The following NBEAL1 variants were observed in gnomAD, a reference collection of about 807,000 sequenced individuals.
The protein encoded by NBEAL1 is neurobeachin-like protein 1.
Under a neutral mutation model 351.3 loss-of-function variants are expected in NBEAL1, and 273 were observed. The observed-to-expected ratio is 0.78, with a 90% CI of 0.70 to 0.86. The LOEUF (loss-of-function observed/expected upper bound fraction) is 0.86. Ranked by LOEUF, NBEAL1 falls within the 40% of genes least tolerant of loss-of-function variation. The pLI is 0.00. For synonymous variants in NBEAL1, 1,050 were observed against 1,086.4 expected (o/e 0.97, Z 0.66); for missense variants, 2,961 against 3,201.3 (o/e 0.92, Z 1.81).
At chr2:203,047,988 T>A (rs1357522020) in intron 3 of NBEAL1, among the ~76,000 whole-genome samples, 2 of 151,950 alleles carry the variant, frequency 1.3e-5, no homozygotes, top group Non-Finnish European at 2.9e-5. Flanking sequence ...TTGGCATAGG[T>A]TTCAACCAGG....
chr2:203,208,864 C>T (rs929298237), intron 52 of NBEAL1, 111 bp downstream of exon 52: 4 of 772,014 alleles, frequency 5.2e-6, no homozygotes, highest in Non-Finnish European at 8.2e-6. Flanking sequence ...AAATGTTATA[C>T]CATACTTGTA....
At position 203,173,780 on chromosome 2, in the gene NBEAL1, C is replaced by T. The variant is rs1248985322; in HGVS notation, c.6323+927C>T. ...GTAATTAAAGATACAAGTTGTTTTA[C>T]ATTTTAGTGGTACATTTTTGCATAG... On this transcript the variant is annotated intron_variant, in intron 41 of 55. Coordinates refer to ENST00000683969, the MANE Select transcript of NBEAL1 (RefSeq NM_001378026.1). 2.0e-5 allele frequency among the ~76,000 whole-genome samples: 3 copies of T among 151,942 alleles called. 1 individual carries two copies. Among genetic ancestry groups the T allele is most frequent in the South Asian group, 4.1e-4 (2 of 4,826 alleles).
chr2:203,142,018 C>A (rs1246063572), intron 31 of NBEAL1, among the ~76,000 whole-genome samples: 2 of 152,182 alleles, frequency 1.3e-5, no homozygotes, highest in Non-Finnish European at 2.9e-5. Context: ...GTTCCCTACT[C>A]CCCCTGTTGC....
Position 203,049,877 on chromosome 2 carries a change from C to T in NBEAL1, c.207C>T (p.Ile69=). 1 of 1,556,564 alleles carries T rather than the reference C, an allele frequency of 6.4e-7. No homozygotes were observed. Among genetic ancestry groups the T allele is most frequent in the African/African-American group, 1.4e-5 (1 of 73,984 alleles). Residue 69 remains isoleucine, a synonymous_variant, in exon 4 of 56, where the codon ATC becomes ATT. Coordinates refer to ENST00000683969, the MANE Select transcript of NBEAL1 (RefSeq NM_001378026.1). ...LPDNILQVLR[I]QLLQCVQKMA... ...ATAATATTCTGCAGGTTCTGAGGAT[C>T]CAGCTTCTACAGTGTGTTCAGAAAA...
chr2:203,083,627 G>T, intron 9 of NBEAL1, 102 bp downstream of exon 9: 1 of 901,570 alleles, frequency 1.1e-6, no homozygotes, highest in Non-Finnish European at 1.6e-6. Flanking sequence ...AGTATTGATT[G>T]TTTAATTCAG....
chr2:203,217,156 T>C, intron 55 of NBEAL1, 97 bp from the exon 56 acceptor site: 1 of 863,574 alleles, frequency 1.2e-6, no homozygotes, highest in Non-Finnish European at 1.6e-6. Flanking sequence ...TGCTAACAAT[T>C]TGTTTCTTTT....
intron 2 of NBEAL1, among the ~76,000 whole-genome samples, chr2:203,027,776 G>A (rs534459293): frequency 6.6e-6 from 1 of 152,156 alleles, no homozygotes; most frequent in South Asian, 2.1e-4. Context: ...TGGCATAATC[G>A]TAGTAGCTCC....
chr2:203,202,504 G>T (rs559216739), intron 50 of NBEAL1, among the ~76,000 whole-genome samples, 183 bp from the exon 51 acceptor site: 1 of 152,302 alleles, frequency 6.6e-6, no homozygotes, highest in South Asian at 2.1e-4. Flanking sequence ...GCTCTCCGAG[G>T]TGATTTTGAC....
chr2:203,124,207 C>A (rs1191966737), intron 19 of NBEAL1, among the ~76,000 whole-genome samples: 1 of 152,124 alleles, frequency 6.6e-6, no homozygotes, highest in Non-Finnish European at 1.5e-5. Flanking sequence ...GTGGCACATG[C>A]CTGTAGTCTC....
intron 39 of NBEAL1, among the ~76,000 whole-genome samples, chr2:203,170,860 G>A (rs1039008000): frequency 6.6e-5 from 10 of 152,120 alleles, no homozygotes; most frequent in Non-Finnish European, 1.3e-4. Flanking sequence ...TTAATGTAAT[G>A]TTTCATTAAA....
At chr2:203,037,075 A>G (rs1457514140) in intron 2 of NBEAL1, among the ~76,000 whole-genome samples, 1 of 149,180 alleles carries the variant, frequency 6.7e-6, no homozygotes, top group Admixed American at 6.8e-5. Flanking sequence ...TTTCTAAAAT[A>G]TTTCCTTCTG....
chr2:203,110,429 T>C, intron 15 of NBEAL1, 147 bp downstream of exon 15: 2 of 789,300 alleles, frequency 2.5e-6, no homozygotes, highest in Middle Eastern at 3.2e-4. Context: ...TCCCAGCACT[T>C]TAGGAGCCCA....
At position 203,035,306 on chromosome 2, in the gene NBEAL1, A is replaced by G. The variant is rs1432305418; in HGVS notation, c.52-6459A>G. Reference sequence around the variant, plus strand: ...AGGGAGCCATTGAAAGTATTTGGGCAGGACAGAGGAGATGACTGGATTTAA... The same window carrying G: ...AGGGAGCCATTGAAAGTATTTGGGCGGGACAGAGGAGATGACTGGATTTAA... On this transcript the variant is annotated intron_variant, in intron 2 of 55. Coordinates refer to ENST00000683969, the MANE Select transcript of NBEAL1 (RefSeq NM_001378026.1). 4.7e-5 allele frequency among the ~76,000 whole-genome samples: 7 copies of G among 149,344 alleles called. 3 individuals are homozygous for G. Among genetic ancestry groups the G allele is most frequent in the Non-Finnish European group, 7.5e-5 (5 of 66,602 alleles).
chr2:203,077,763 G>C lies in NBEAL1; in HGVS notation c.610G>C (p.Glu204Gln). 1 of 1,430,610 alleles carries C rather than the reference G, an allele frequency of 7.0e-7. No homozygotes were observed. The allele number at this position is 1,430,610 out of a possible 1,614,324, so 88.6% of individuals were successfully genotyped here. A position where few individuals can be genotyped will look rare whatever the true frequency, so the allele number is the denominator to read the frequency against. ...TTTATTATTTACAGAATGTTTTCAGGAAAGTGAACATCTCAAGGAAAGTCT... is the reference window on the plus strand; with the variant it reads ...TTTATTATTTACAGAATGTTTTCAGCAAAGTGAACATCTCAAGGAAAGTCT... ...FVPFFYQCFQ[E>Q]SEHLKESLKC... The change falls in exon 8 of 56, where the codon GAA becomes CAA. Residue 204 changes from glutamate to glutamine, a missense_variant. Coordinates refer to ENST00000683969, the MANE Select transcript of NBEAL1 (RefSeq NM_001378026.1).
At chr2:203,058,459 A>C (rs1327908901) in intron 6 of NBEAL1, among the ~76,000 whole-genome samples, 1 of 152,232 alleles carries the variant, frequency 6.6e-6, no homozygotes, top group Non-Finnish European at 1.5e-5. Flanking sequence ...TATGGGAACA[A>C]AGGGAAGAGA....
At chr2:203,083,553 C>G (rs1159840963) in intron 9 of NBEAL1, 28 bp downstream of exon 9, 2 of 1,463,490 alleles carry the variant, frequency 1.4e-6, no homozygotes, top group African/African-American at 2.9e-5. Flanking sequence ...ACAACTTTTT[C>G]TGAGTCTGTT....
Position 203,217,366 on chromosome 2 carries a change from A to G in NBEAL1, c.*12A>G. ...AAGATTCCAAGTGATTGTTATTTCCATTTTCTGTTATGATTACTGAAACCT... is the reference window on the plus strand; with the variant it reads ...AAGATTCCAAGTGATTGTTATTTCCGTTTTCTGTTATGATTACTGAAACCT... On this transcript the variant is annotated 3_prime_UTR_variant, in exon 56 of 56. Coordinates refer to ENST00000683969, the MANE Select transcript of NBEAL1 (RefSeq NM_001378026.1). 1 of 1,560,686 alleles carries G rather than the reference A, an allele frequency of 6.4e-7. No individual in the cohort carries two copies.
chr2:203,101,762 T>G (rs994561617), intron 12 of NBEAL1, among the ~76,000 whole-genome samples: 1 of 152,034 alleles, frequency 6.6e-6, no homozygotes, highest in African/African-American at 2.4e-5. Context: ...CTTGGCTAAT[T>G]TTTTTGTATT....
chr2:203,058,879 CAA>C (rs762646579), intron 6 of NBEAL1, among the ~76,000 whole-genome samples: 1 of 152,150 alleles, frequency 6.6e-6, no homozygotes, highest in African/African-American at 2.4e-5. Context: ...GTACAGAACT[CAA>C]AGAGAAGAAT....
Sources: allele counts gnomAD v4.1 joint callset (sites outside exome capture counted in the v4.1 genomes callset), GRCh38; gene constraint gnomAD v4.1.1; transcripts MANE v1.5; gene names NCBI Gene and HGNC (gene_info 2026-07-23, HGNC 2026-07-21).